RAB40B: variants seen among roughly 807,000 people sequenced by gnomAD.
RAB40B encodes ras-related protein Rab-40B.
RAB40B carries 21 observed loss-of-function variants against 24.0 expected under a neutral mutation model. The observed-to-expected ratio is 0.88, with a 90% CI of 0.62 to 1.26. The LOEUF (loss-of-function observed/expected upper bound fraction) is 1.26, where lower values mean the gene tolerates loss of function less well. RAB40B is among the 50% of genes most tolerant of loss of function. RAB40B has a pLI of 0.00. For missense variants in RAB40B, 348 were observed against 390.5 expected, an observed-to-expected ratio of 0.89 and a Z score of 0.92; for synonymous variants, 167 against 169.8, an observed-to-expected ratio of 0.98 and a Z score of 0.13.
chr17:82,658,744 G>T, intron 4 of RAB40B, 31 bp from the exon 5 acceptor site: 2 of 1,568,244 alleles, frequency 1.3e-6, no homozygotes, highest in Non-Finnish European at 1.7e-6. Flanking sequence ...GAGGAGCATG[G>T]GTTACTTCAG....
Position 82,684,662 on chromosome 17 carries a change from C to T in RAB40B, c.142+13793G>A, listed in dbSNP as rs144044653. Among the ~76,000 whole-genome samples, 648 of 152,242 alleles carry T rather than the reference C, an allele frequency of 4.3e-3. 2 individuals carry two copies. The highest frequency in any genetic ancestry group is 4.9e-3 in the Non-Finnish European group (334 of 68,016). The stretch of plus-strand genomic sequence containing the variant: ...CAGAGGCTCAGGGCTGCTGAGTGAC[C>T]GGAGCCAGGTTCAAAGGCCTCCGGG... On this transcript the variant is annotated intron_variant, in intron 1 of 5. Transcript: ENST00000571995.
intron 1 of RAB40B, among the ~76,000 whole-genome samples, chr17:82,665,981 C>G (rs944082379): frequency 2.0e-5 from 3 of 151,790 alleles, no homozygotes; most frequent in Admixed American, 6.6e-5. Flanking sequence ...TACAGTAGCA[C>G]AATCACAGCT....
chr17:82,666,443 T>G (rs1343215444), intron 1 of RAB40B, among the ~76,000 whole-genome samples: 1 of 151,802 alleles, frequency 6.6e-6, no homozygotes, highest in East Asian at 1.9e-4. Flanking sequence ...TGGGGTTTCA[T>G]CATATCAGTC....
intron 1 of RAB40B, among the ~76,000 whole-genome samples, chr17:82,676,683 A>C (rs1459830212): frequency 6.6e-6 from 1 of 151,978 alleles, no homozygotes; most frequent in Non-Finnish European, 1.5e-5. Context: ...GCTGGAATGC[A>C]ATGGCGTGAT....
At chr17:82,698,312 C>T in intron 1 of RAB40B, 143 bp downstream of exon 1, 7 of 808,702 alleles carry the variant, frequency 8.7e-6, no homozygotes, top group Non-Finnish European at 1.1e-5. Context: ...CCTACCCTCC[C>T]CGGCCACGCG....
intron 1 of RAB40B, among the ~76,000 whole-genome samples, chr17:82,691,553 A>G (rs1247330500): frequency 6.6e-6 from 1 of 152,158 alleles, no homozygotes; most frequent in East Asian, 1.9e-4. Flanking sequence ...CGGGCATGGT[A>G]CACCTGTAAT....
rs2046116953 is a variant in RAB40B at position 82,658,555 on chromosome 17, G to A, written c.501C>T (p.Phe167=). 4.3e-6 allele frequency: 7 copies of A among 1,613,404 alleles called. No individual in the cohort carries two copies. The highest frequency in any genetic ancestry group is 5.1e-6 in the Non-Finnish European group (6 of 1,179,988). The change falls in exon 5 of 6, where the codon TTC becomes TTT. Residue 167 remains phenylalanine, a synonymous_variant. Coordinates refer to ENST00000571995, the MANE Select transcript of RAB40B (RefSeq NM_006822.3). ...PLCNFNITES[F]TELARIVLLR... is the part of the protein sequence containing the mutation. ...GCAGCACGATCCTGGCCAGCTCCGTGAACGACTCTGTGATGTTGAAATTGC... is the reference window on the plus strand; with the variant it reads ...GCAGCACGATCCTGGCCAGCTCCGTAAACGACTCTGTGATGTTGAAATTGC...
intron 4 of RAB40B, 86 bp from the exon 5 acceptor site, chr17:82,658,799 A>AC (rs2046122640): frequency 2.4e-6 from 3 of 1,237,162 alleles, no homozygotes; most frequent in Middle Eastern, 2.5e-4. Flanking sequence ...GGGTCGAGGA[A>AC]CCCCCCACGA....
intron 1 of RAB40B, among the ~76,000 whole-genome samples, chr17:82,669,347 T>C: frequency 6.6e-6 from 1 of 151,794 alleles, no homozygotes; most frequent in Non-Finnish European, 1.5e-5. Context: ...TGGTGGCGGG[T>C]GCCTGTAATC....
chr17:82,668,767 CT>C (rs2046293339), intron 1 of RAB40B, among the ~76,000 whole-genome samples: 1 of 152,250 alleles, frequency 6.6e-6, no homozygotes, highest in African/African-American at 2.4e-5. Context: ...ACGCCCGCGT[CT>C]AGAGCTGCCC....
At chr17:82,680,254 T>A (rs932503366) in intron 1 of RAB40B, among the ~76,000 whole-genome samples, 1 of 152,152 alleles carries the variant, frequency 6.6e-6, no homozygotes. Flanking sequence ...TAGGTTCCCA[T>A]ACACCCAGGG....
intron 1 of RAB40B, among the ~76,000 whole-genome samples, chr17:82,674,503 G>T (rs577037376): frequency 1.3e-5 from 2 of 150,302 alleles, no homozygotes; most frequent in South Asian, 2.1e-4. Context: ...GCCGGGTGTG[G>T]TGGCGGGCAC....
chr17:82,658,106 C>T lies in RAB40B; in HGVS notation c.594G>A (p.Arg198=). Reference sequence around the variant, plus strand: ...GCACCGGCGTGCAGGACACGACCGCCCGGCAGCAGAGGTCTTGCAAGCTCA... The same window carrying T: ...GCACCGGCGTGCAGGACACGACCGCTCGGCAGCAGAGGTCTTGCAAGCTCA... The part of the protein sequence containing the change: ...KVLSLQDLCC[R]AVVSCTPVHL... Residue 198 remains arginine, a synonymous_variant, in exon 6 of 6, where the codon CGG becomes CGA. Transcript: ENST00000571995. 2 of 1,614,108 alleles carry T rather than the reference C, an allele frequency of 1.2e-6. No individual in the cohort carries two copies. Among genetic ancestry groups the T allele is most frequent in the Non-Finnish European group, 8.5e-7 (1 of 1,180,026 alleles).
chr17:82,667,170 GC>G lies in RAB40B; in HGVS notation c.143-2615del, dbSNP rs2046268385. Among the ~76,000 whole-genome samples, 2 of 152,222 alleles carry G rather than the reference GC, an allele frequency of 1.3e-5. No individual in the cohort carries two copies. Among genetic ancestry groups the G allele is most frequent in the Admixed American group, 6.5e-5 (1 of 15,280 alleles). ...AGGCCACGGTTCTCAAGCAGCTTCT[GC>G]CCCCTCGAAGGGTCTAGAACCCTTG... On this transcript the variant is annotated intron_variant, in intron 1 of 5. Coordinates refer to ENST00000571995, the MANE Select transcript of RAB40B (RefSeq NM_006822.3). This position sits in a 1 kb window ranked among gnomAD's most constrained non-coding sequence, Gnocchi z 4.3.
At chr17:82,666,297 T>G (rs1263259625) in intron 1 of RAB40B, among the ~76,000 whole-genome samples, 3 of 151,038 alleles carry the variant, frequency 2.0e-5, no homozygotes, top group Non-Finnish European at 2.9e-5. Context: ...CAGGCTGGAG[T>G]GCAGTGGTGC....
At chr17:82,669,730 G>A (rs1239007018) in intron 1 of RAB40B, among the ~76,000 whole-genome samples, 2 of 152,102 alleles carry the variant, frequency 1.3e-5, no homozygotes, top group African/African-American at 4.8e-5. Context: ...CCCAGCGCGG[G>A]AGCTTCAGGC....
In RAB40B at chr17:82,692,030, G is replaced by A. The variant is rs1021112774; in HGVS notation, c.142+6425C>T. ...GGGCCCGCACGGTCCGTGGGCTGAGGTGACAGGCAGAGCAGTGGGGCCCGC... is the reference window on the plus strand; with the variant it reads ...GGGCCCGCACGGTCCGTGGGCTGAGATGACAGGCAGAGCAGTGGGGCCCGC... On this transcript the variant is annotated intron_variant, in intron 1 of 5. Transcript: ENST00000571995. This position sits in a 1 kb window ranked among gnomAD's most constrained non-coding sequence, Gnocchi z 4.0. Among the ~76,000 whole-genome samples the A allele has an allele frequency of 6.6e-6, 1 of 150,498 alleles. No homozygotes were observed. The highest frequency in any genetic ancestry group is 1.5e-5 in the Non-Finnish European group (1 of 67,672).
chr17:82,674,803 G>A (rs1457068536), intron 1 of RAB40B, among the ~76,000 whole-genome samples: 1 of 152,076 alleles, frequency 6.6e-6, no homozygotes, highest in Admixed American at 6.6e-5. Flanking sequence ...CTCACCAGGT[G>A]GGAAGAACGA....
intron 3 of RAB40B, among the ~76,000 whole-genome samples, chr17:82,660,727 C>T (rs1394503258): frequency 5.3e-5 from 8 of 152,026 alleles, no homozygotes; most frequent in African/African-American, 1.7e-4. Flanking sequence ...CACAGATGCA[C>T]GCATACACAG....
Sources: gnomAD v4.1 joint callset for allele counts (sites outside exome capture counted in the v4.1 genomes callset) on GRCh38, gnomAD v4.1.1 for gene constraint, Gnocchi (gnomAD v3.1) non-coding constraint, MANE v1.5 for transcripts, NCBI Gene and HGNC (gene_info 2026-07-23, HGNC 2026-07-21) for gene names.